The following MAP2K5 variants were observed in gnomAD, a reference collection of about 807,000 sequenced individuals.
MAP2K5 encodes dual specificity mitogen-activated protein kinase kinase 5.
In MAP2K5, 49 loss-of-function variants were observed where a neutral mutation model predicts 83.1. The ratio of observed to expected loss-of-function variants is 0.59; its 90% CI spans 0.47 to 0.75. The LOEUF (loss-of-function observed/expected upper bound fraction) is 0.75. MAP2K5 is among the 30% of genes least tolerant of loss of function. The pLI, the probability that MAP2K5 is intolerant of heterozygous loss-of-function variation, is 0.00. For missense variants in MAP2K5, 457 were observed against 557.5 expected (o/e 0.82, Z 1.82); for synonymous variants, 202 against 191.8 (o/e 1.05, Z -0.44).
Position 67,777,749 on chromosome 15 carries a change from A to G in MAP2K5, c.1242+4997A>G, listed in dbSNP as rs2090264497. 6.6e-6 allele frequency among the ~76,000 whole-genome samples: 1 copy of G among 152,246 alleles called. No individual in the cohort carries two copies. Among genetic ancestry groups the G allele is most frequent in the South Asian group, 2.1e-4 (1 of 4,836 alleles). Reference sequence around the variant, plus strand: ...ACTGCTTTAGTAATTGTTTAAAAACATGGGTTTTCTCCTTAGGTTCTAGTA... The same window carrying G: ...ACTGCTTTAGTAATTGTTTAAAAACGTGGGTTTTCTCCTTAGGTTCTAGTA... On this transcript the variant is annotated intron_variant, in intron 21 of 21. Transcript: ENST00000178640. The surrounding 1 kb of genome is among the most constrained non-coding windows in gnomAD (Gnocchi z 6.0).
At chr15:67,567,610 C>T (rs755467558) in intron 3 of MAP2K5, among the ~76,000 whole-genome samples, 23 of 151,622 alleles carry the variant, frequency 1.5e-4, no homozygotes, top group Non-Finnish European at 2.2e-4. Context: ...ATGATCCACC[C>T]GCCTCGGCCT....
intron 19 of MAP2K5, among the ~76,000 whole-genome samples, chr15:67,756,572 TTACG>T (rs10593316): frequency 0.75 from 110,082 of 146,728 alleles, 41,675 homozygotes; most frequent in Middle Eastern, 0.82. Flanking sequence ...TTGATAACAC[TTACG>T]ATCTACTCCC....
chr15:67,585,889 G>A lies in MAP2K5; in HGVS notation c.323-1G>A. The A allele has an allele frequency of 1.2e-6, 2 of 1,613,800 alleles. No individual in the cohort carries two copies. The highest frequency in any genetic ancestry group is 1.7e-6 in the Non-Finnish European group (2 of 1,179,732). ...TACAATTTAGTCAATTACTGTTTCAGCCTGCAAGCCTCCTGGGGAACGGAA... is the reference window on the plus strand; with the variant it reads ...TACAATTTAGTCAATTACTGTTTCAACCTGCAAGCCTCCTGGGGAACGGAA... On this transcript the variant is annotated splice_acceptor_variant, in intron 4 of 21. Transcript: ENST00000178640. LOFTEE classifies it high-confidence loss of function.
At chr15:67,633,453 A>T (rs1376085852) in intron 9 of MAP2K5, among the ~76,000 whole-genome samples, 2 of 152,260 alleles carry the variant, frequency 1.3e-5, no homozygotes, top group Non-Finnish European at 2.9e-5. Flanking sequence ...AATTATGTTT[A>T]TATAGACTAA....
At chr15:67,765,821 T>C (rs145276480) in intron 19 of MAP2K5, among the ~76,000 whole-genome samples, 199 of 152,258 alleles carry the variant, frequency 1.3e-3, no homozygotes, top group African/African-American at 4.6e-3. Flanking sequence ...TGCTGACAAG[T>C]GCTAATAACA....
chr15:67,741,386 G>A (rs573604525), intron 17 of MAP2K5, among the ~76,000 whole-genome samples: 2 of 152,250 alleles, frequency 1.3e-5, no homozygotes, highest in East Asian at 1.9e-4. Context: ...ATTCATATTC[G>A]GTTCTCTCCT....
chr15:67,577,429 G>A lies in MAP2K5; in HGVS notation c.253-3325G>A, dbSNP rs1337789173. Among the ~76,000 whole-genome samples, 1 of 152,142 alleles carries A rather than the reference G, an allele frequency of 6.6e-6. No individual in the cohort carries two copies. Among genetic ancestry groups the A allele is most frequent in the Non-Finnish European group, 1.5e-5 (1 of 68,030 alleles). ...TTTGTGTTAGGGCTAATAAATGCCAGGATAAGATTATAGACCTGAAGATGA... is the reference window on the plus strand; with the variant it reads ...TTTGTGTTAGGGCTAATAAATGCCAAGATAAGATTATAGACCTGAAGATGA... On this transcript the variant is annotated intron_variant, in intron 3 of 21. Coordinates refer to ENST00000178640, the MANE Select transcript of MAP2K5 (RefSeq NM_145160.3). This position sits in a 1 kb window ranked among gnomAD's most constrained non-coding sequence, Gnocchi z 4.1.
intron 9 of MAP2K5, chr15:67,642,517 T>C (rs528338310): frequency 2.2e-6 from 3 of 1,342,556 alleles, no homozygotes; most frequent in Admixed American, 1.7e-5. Context: ...ATGGAGACAA[T>C]GGTGGCATTC....
intron 12 of MAP2K5, chr15:67,659,182 C>A: frequency 5.5e-6 from 1 of 181,336 alleles, no homozygotes; most frequent in Non-Finnish European, 1.2e-5. Flanking sequence ...ATAAACTAAA[C>A]TAACATTACT....
rs913573120 is a variant in MAP2K5, at chr15:67,559,599, T to C, written c.185-3684T>C. 1.3e-5 allele frequency among the ~76,000 whole-genome samples: 2 copies of C among 152,258 alleles called. No homozygotes were observed. Among genetic ancestry groups the C allele is most frequent in the African/African-American group, 4.8e-5 (2 of 41,474 alleles). On this transcript the variant is annotated intron_variant, in intron 2 of 21. Transcript: ENST00000178640. The surrounding 1 kb of genome is among the most constrained non-coding windows in gnomAD (Gnocchi z 4.7). The stretch of plus-strand genomic sequence containing the variant: ...ATTGCTTCATAATATTGGTTTACCA[T>C]CTGCTGCACTCTATTTGGTATCTTG...
rs140812304 is a variant in MAP2K5, at chr15:67,760,744, T to C, written c.1135-8858T>C. Among the ~76,000 whole-genome samples, 1 of 152,340 alleles carries C rather than the reference T, an allele frequency of 6.6e-6. No individual in the cohort carries two copies. Among genetic ancestry groups the C allele is most frequent in the Non-Finnish European group, 1.5e-5 (1 of 68,042 alleles). On this transcript the variant is annotated intron_variant, in intron 19 of 21. Transcript: ENST00000178640. This position sits in a 1 kb window ranked among gnomAD's most constrained non-coding sequence, Gnocchi z 4.1. ...TGAATAGCGGTCTGTGAATGGGCAGTTGCCTGGTGGGGCCAGTTTTGGCTG... is the reference window on the plus strand; with the variant it reads ...TGAATAGCGGTCTGTGAATGGGCAGCTGCCTGGTGGGGCCAGTTTTGGCTG...
Position 67,661,896 on chromosome 15 carries a change from G to T in MAP2K5, c.799-2701G>T, listed in dbSNP as rs554300328. Among the ~76,000 whole-genome samples the T allele has an allele frequency of 9.9e-5, 15 of 152,040 alleles. No homozygotes were observed. In the South Asian group the frequency reaches 3.1e-3, roughly 32 times the overall value. ...CCTCCTATTACTCAAAGAGAAAATTGTTATCGTTATGGATGTTAATTTTTA... is the reference window on the plus strand; with the variant it reads ...CCTCCTATTACTCAAAGAGAAAATTTTTATCGTTATGGATGTTAATTTTTA... On this transcript the variant is annotated intron_variant, in intron 12 of 21. Transcript: ENST00000178640.
At chr15:67,625,116 C>G (rs183410533) in intron 8 of MAP2K5, among the ~76,000 whole-genome samples, 2 of 152,318 alleles carry the variant, frequency 1.3e-5, no homozygotes, top group Admixed American at 1.3e-4. Context: ...AATAAATTAT[C>G]TGATTCTGTA....
rs2090345832 is a variant in MAP2K5, at chr15:67,782,575, G to C, written c.1242+9823G>C. Among the ~76,000 whole-genome samples the C allele has an allele frequency of 6.6e-6, 1 of 152,188 alleles. No homozygotes were observed. On this transcript the variant is annotated intron_variant, in intron 21 of 21. Coordinates refer to ENST00000178640, the MANE Select transcript of MAP2K5 (RefSeq NM_145160.3). The surrounding 1 kb of genome is among the most constrained non-coding windows in gnomAD (Gnocchi z 4.9). ...CCTGAGTTTATTCAGCATTCACAGG[G>C]AGCAGCTAATTGTCTATGAAGGGCC...
chr15:67,630,696 GGTAATGTATA>G (rs1438526315), intron 8 of MAP2K5, among the ~76,000 whole-genome samples, 182 bp from the exon 9 acceptor site: 9 of 152,278 alleles, frequency 5.9e-5, no homozygotes, highest in African/African-American at 1.9e-4. Flanking sequence ...GTTATTTTAA[GGTAATGTATA>G]GTAAATCACT....
chr15:67,654,876 G>A (rs1212672334), intron 11 of MAP2K5, among the ~76,000 whole-genome samples: 2 of 151,944 alleles, frequency 1.3e-5, no homozygotes, highest in African/African-American at 4.8e-5. Flanking sequence ...GCCTGGCCGA[G>A]TTGGTGAAAC....
At chr15:67,654,427 A>G (rs1392746609) in intron 11 of MAP2K5, among the ~76,000 whole-genome samples, 1 of 152,224 alleles carries the variant, frequency 6.6e-6, no homozygotes, top group Non-Finnish European at 1.5e-5. Flanking sequence ...CTTTAAATAT[A>G]AAATACCTTT....
chr15:67,789,760 T>C (rs1247852372), intron 21 of MAP2K5, among the ~76,000 whole-genome samples: 1 of 152,238 alleles, frequency 6.6e-6, no homozygotes, highest in Non-Finnish European at 1.5e-5. Flanking sequence ...GTTTATTTTA[T>C]TAAGTATGAG....
At chr15:67,681,846 A>G (rs984041522) in intron 13 of MAP2K5, among the ~76,000 whole-genome samples, 2 of 152,172 alleles carry the variant, frequency 1.3e-5, no homozygotes, top group African/African-American at 4.8e-5. Context: ...ATGCCCTAGT[A>G]TTCATTTGAG....
Sources: allele counts gnomAD v4.1 joint callset (sites outside exome capture counted in the v4.1 genomes callset), GRCh38; gene constraint gnomAD v4.1.1; non-coding constraint Gnocchi (gnomAD v3.1); transcripts MANE v1.5; gene names NCBI Gene and HGNC (gene_info 2026-07-23, HGNC 2026-07-21).